The following HERC3 variants were observed in gnomAD, a reference collection of about 807,000 sequenced individuals.
HERC3 encodes the protein HECT and RLD domain containing E3 ubiquitin protein ligase 3.
Under a neutral mutation model 129.9 loss-of-function variants are expected in HERC3, and 58 were observed. The observed-to-expected ratio is 0.45, with a 90% CI of 0.36 to 0.56. The LOEUF is 0.56. Ranked by LOEUF, HERC3 falls within the 20% of genes least tolerant of loss-of-function variation. The pLI is 0.00. For missense variants in HERC3, 835 were observed against 1,244.2 expected (o/e 0.67, Z 4.95); for synonymous variants, 430 against 451.0 (o/e 0.95, Z 0.59).
intron 3 of HERC3, among the ~76,000 whole-genome samples, chr4:88,639,515 T>G (rs1452738164): frequency 1.3e-5 from 2 of 152,136 alleles, no homozygotes; most frequent in Non-Finnish European, 2.9e-5. Context: ...TAAATCATGT[T>G]GGGAAAACTG....
chr4:88,553,202 A>G, the HERC3 span, among the ~76,000 whole-genome samples: 27 of 152,346 alleles, frequency 1.8e-4, no homozygotes, highest in Middle Eastern at 3.4e-3. Flanking sequence ...AGAATAGTAG[A>G]CACACAGAAT....
intron 23 of HERC3, chr4:88,697,890 C>T (rs1734830597): frequency 1.6e-6 from 2 of 1,237,650 alleles, no homozygotes; most frequent in South Asian, 1.6e-5. Context: ...GCGGCCCCGC[C>T]TCCTGCTTTC....
At chr4:88,689,580 ACTT>A (rs1733853966) in intron 23 of HERC3, among the ~76,000 whole-genome samples, 3 of 140,522 alleles carry the variant, frequency 2.1e-5, no homozygotes, top group Admixed American at 7.1e-5. Context: ...ATCCTTGACT[ACTT>A]TTTTTTTTTT....
At chr4:88,669,184 T>G (rs973906817) in intron 14 of HERC3, among the ~76,000 whole-genome samples, 15 of 152,176 alleles carry the variant, frequency 9.9e-5, no homozygotes, top group Non-Finnish European at 1.6e-4. Flanking sequence ...GTTGTCAGTA[T>G]TTTGCCCATT....
the HERC3 span, among the ~76,000 whole-genome samples, chr4:88,550,804 C>CA: frequency 6.6e-6 from 1 of 151,070 alleles, no homozygotes; most frequent in Non-Finnish European, 1.5e-5. Context: ...CATATGGAAC[C>CA]AAAAAAGAGC....
At chr4:88,532,005 A>G in the HERC3 span, among the ~76,000 whole-genome samples, 1 of 152,168 alleles carries the variant, frequency 6.6e-6, no homozygotes, top group Non-Finnish European at 1.5e-5. Flanking sequence ...TTATAAACAC[A>G]TAGTTCTGTA....
At chr4:88,581,289 CTTA>C in the HERC3 span, among the ~76,000 whole-genome samples, 4,463 of 150,698 alleles carry the variant, frequency 0.03, 186 homozygotes, top group East Asian at 0.18. Flanking sequence ...TATTTATTTA[CTTA>C]TTATTATTAT....
the HERC3 span, among the ~76,000 whole-genome samples, chr4:88,561,624 T>A: frequency 6.6e-6 from 1 of 152,166 alleles, no homozygotes; most frequent in Non-Finnish European, 1.5e-5. Flanking sequence ...AGCTACATTT[T>A]TGTACTCATT....
At chr4:88,611,881 T>G (rs1255992168) in intron 3 of HERC3, among the ~76,000 whole-genome samples, 2 of 152,228 alleles carry the variant, frequency 1.3e-5, no homozygotes, top group African/African-American at 2.4e-5. Flanking sequence ...CTTGAAACTT[T>G]GTTTCCTGTT....
chr4:88,600,747 CT>C (rs1403547731), intron 2 of HERC3, among the ~76,000 whole-genome samples: 1 of 152,210 alleles, frequency 6.6e-6, no homozygotes, highest in Non-Finnish European at 1.5e-5. Flanking sequence ...GATGTACCCG[CT>C]TGTTGATTCA....
the HERC3 span, among the ~76,000 whole-genome samples, chr4:88,537,886 C>T: frequency 4.6e-5 from 7 of 152,208 alleles, no homozygotes; most frequent in African/African-American, 1.4e-4. Context: ...GGATGAAGCT[C>T]GAATAGCAGC....
chr4:88,619,486 T>A (rs1270205877), intron 3 of HERC3, among the ~76,000 whole-genome samples: 17 of 152,094 alleles, frequency 1.1e-4, no homozygotes, highest in Admixed American at 8.5e-4. Context: ...AAATTCCAGA[T>A]GTATGAAAGA....
the HERC3 span, chr4:88,524,879 C>CT: frequency 2.0e-5 from 3 of 152,018 alleles, no homozygotes; most frequent in Non-Finnish European, 4.4e-5. Flanking sequence ...TCATTTCACA[C>CT]TTTGAGTTCC....
chr4:88,629,891 G>A (rs1302284925), intron 3 of HERC3, among the ~76,000 whole-genome samples: 1 of 152,190 alleles, frequency 6.6e-6, no homozygotes, highest in African/African-American at 2.4e-5. Flanking sequence ...TGATTTTACA[G>A]TTAAACTATG....
the HERC3 span, among the ~76,000 whole-genome samples, chr4:88,542,836 C>G: frequency 2.6e-5 from 4 of 152,176 alleles, no homozygotes; most frequent in African/African-American, 9.7e-5. Flanking sequence ...ACGACAGAAA[C>G]CACACAATTT....
intron 21 of HERC3, among the ~76,000 whole-genome samples, chr4:88,682,532 C>G (rs1445562782): frequency 7.2e-6 from 1 of 138,810 alleles, no homozygotes; most frequent in Non-Finnish European, 1.5e-5. Flanking sequence ...TCCATGTGTT[C>G]TCATTGTTCA....
chr4:88,652,914 G>A lies in HERC3; in HGVS notation c.509G>A (p.Gly170Asp). 1 of 1,613,764 alleles carries A rather than the reference G, an allele frequency of 6.2e-7. No individual in the cohort carries two copies. Among genetic ancestry groups the A allele is most frequent in the Non-Finnish European group, 8.5e-7 (1 of 1,179,976 alleles). Residue 170 changes from glycine to aspartate, a missense_variant, in exon 6 of 26, where the codon GGC becomes GAC. Gly to Asp is a moderately conservative substitution (Grantham distance 94). Transcript: ENST00000402738. The stretch of plus-strand genomic sequence containing the variant: ...GGAAAGAACAGCCATGGGCAGCTTG[G>A]CTTAGGGAAGGAGTTCCCCTCCCAA... ...TWGKNSHGQLGLGKEFPSQAS... is the reference protein window; with the variant it reads ...TWGKNSHGQLDLGKEFPSQAS...
At chr4:88,626,089 T>A (rs571086353) in intron 3 of HERC3, among the ~76,000 whole-genome samples, 17 of 152,324 alleles carry the variant, frequency 1.1e-4, no homozygotes, top group African/African-American at 4.1e-4. Context: ...AGTTTTCTTG[T>A]AGTGTCTTTG....
At chr4:88,548,437 C>T in the HERC3 span, among the ~76,000 whole-genome samples, 1 of 152,052 alleles carries the variant, frequency 6.6e-6, no homozygotes, top group Non-Finnish European at 1.5e-5. Flanking sequence ...TTTGCCTTTC[C>T]CTGAGAGCCA....
Sources: allele counts gnomAD v4.1 joint callset (sites outside exome capture counted in the v4.1 genomes callset), GRCh38; gene constraint gnomAD v4.1.1; transcripts MANE v1.5; gene names NCBI Gene and HGNC (gene_info 2026-07-23, HGNC 2026-07-21).